ATP8A2: variants seen among roughly 807,000 people sequenced by gnomAD.
The protein encoded by ATP8A2 is phospholipid-transporting ATPase IB.
Under a neutral mutation model 165.6 loss-of-function variants are expected in ATP8A2, and 100 were observed. That is an observed-to-expected ratio of 0.60 (90% confidence interval 0.51 to 0.71). The LOEUF is 0.71. Ranked by LOEUF, ATP8A2 falls within the 30% of genes least tolerant of loss-of-function variation. The pLI is 0.00. For missense variants in ATP8A2, 1,227 were observed against 1,479.5 expected, an observed-to-expected ratio of 0.83 and a Z score of 2.80; for synonymous variants, 543 against 548.8, an observed-to-expected ratio of 0.99 and a Z score of 0.15.
Position 25,454,836 on chromosome 13 carries a change from C to T in ATP8A2, c.77-14141C>T, listed in dbSNP as rs569307824. On this transcript the variant is annotated intron_variant, in intron 1 of 36. Transcript: ENST00000381655. ...ACTTGGGAGGCTGAGGCAGGAGAAT[C>T]GCTTGAACCCAGGAGGTGGAGGTTG... Among the ~76,000 whole-genome samples the T allele has an allele frequency of 1.8e-4, 28 of 152,232 alleles. No homozygotes were observed. The East Asian group carries it at 4.7e-3, about 25-fold the overall frequency.
At chr13:25,980,177 G>A (rs1956147413) in intron 35 of ATP8A2, among the ~76,000 whole-genome samples, 1 of 152,142 alleles carries the variant, frequency 6.6e-6, no homozygotes, top group Non-Finnish European at 1.5e-5. Flanking sequence ...GCTGGGTGTG[G>A]GGCAGGACCA....
At chr13:25,512,202 G>A (rs2037250980) in intron 2 of ATP8A2, among the ~76,000 whole-genome samples, 1 of 151,872 alleles carries the variant, frequency 6.6e-6, no homozygotes, top group Non-Finnish European at 1.5e-5. Flanking sequence ...AGGGTTGGGG[G>A]TAAGGTCACA....
At chr13:25,796,861 T>A (rs563580314) in intron 27 of ATP8A2, among the ~76,000 whole-genome samples, 9 of 152,344 alleles carry the variant, frequency 5.9e-5, no homozygotes, top group South Asian at 2.1e-4. Flanking sequence ...TGGTTTTTTT[T>A]AAATCTGTGT....
chr13:25,744,855 C>T (rs780081252), intron 25 of ATP8A2, among the ~76,000 whole-genome samples: 5 of 152,146 alleles, frequency 3.3e-5, no homozygotes, highest in Non-Finnish European at 5.9e-5. Flanking sequence ...ATGTATTTTC[C>T]GAGAATGTTT....
rs1172860542 is a variant in ATP8A2, at chr13:25,968,569, A to C, written c.3273-6A>C. Reference sequence around the variant, plus strand: ...ATGTTCGTTTTGTCTTTTCCTCATAACACAGAGCCAAGCACACCTGCAAAA... The same window carrying C: ...ATGTTCGTTTTGTCTTTTCCTCATACCACAGAGCCAAGCACACCTGCAAAA... On this transcript the variant is annotated splice_region_variant and splice_polypyrimidine_tract_variant and intron_variant, in intron 34 of 36. Coordinates refer to ENST00000381655, the MANE Select transcript of ATP8A2 (RefSeq NM_016529.6). 6.2e-7 allele frequency: 1 copy of C among 1,612,618 alleles called. No homozygotes were observed. The highest frequency in any genetic ancestry group is 1.7e-5 in the Admixed American group (1 of 59,910).
chr13:25,829,668 G>A (rs1357206231), intron 28 of ATP8A2, among the ~76,000 whole-genome samples: 3 of 63,414 alleles, frequency 4.7e-5, no homozygotes, highest in Non-Finnish European at 6.3e-5. Flanking sequence ...GACAGGTGTG[G>A]TATATATATA....
intron 35 of ATP8A2, among the ~76,000 whole-genome samples, chr13:25,997,631 T>G (rs1956539382): frequency 6.6e-6 from 1 of 152,222 alleles, no homozygotes; most frequent in South Asian, 2.1e-4. Context: ...CTATTTTGTC[T>G]CTATTACTCA....
chr13:25,828,583 C>T (rs571086327), intron 28 of ATP8A2, among the ~76,000 whole-genome samples: 21 of 152,274 alleles, frequency 1.4e-4, no homozygotes, highest in African/African-American at 4.6e-4. Flanking sequence ...TACAAATGTA[C>T]AGTGTGTGAT....
At chr13:25,803,430 A>C (rs1279125254) in intron 27 of ATP8A2, among the ~76,000 whole-genome samples, 1 of 152,188 alleles carries the variant, frequency 6.6e-6, no homozygotes, top group East Asian at 1.9e-4. Context: ...GTAGAGGTTC[A>C]TGGAGTCAAT....
chr13:25,829,810 G>A (rs1181502183), intron 28 of ATP8A2, among the ~76,000 whole-genome samples: 1 of 147,028 alleles, frequency 6.8e-6, no homozygotes, highest in East Asian at 2.0e-4. Context: ...ATGCAGTCTT[G>A]GCCAATTCAA....
Position 25,567,423 on chromosome 13 carries a change from T to C in ATP8A2, c.1474-3344T>C, listed in dbSNP as rs138989109. 2.1e-3 allele frequency: 940 copies of C among 456,544 alleles called. 4 individuals carry two copies. The highest frequency in any genetic ancestry group is 4.3e-3 in the Admixed American group (185 of 42,564). The allele number at this position is 456,544 out of a possible 1,614,324, so 28.3% of individuals were successfully genotyped here. On this transcript the variant is annotated intron_variant, in intron 16 of 36. Coordinates refer to ENST00000381655, the MANE Select transcript of ATP8A2 (RefSeq NM_016529.6). Reference sequence around the variant, plus strand: ...TAAGTTAGTGATCTTTCTTCTTCTTTCCTTTCCTCCTCATCGTCTGCCCTC... The same window carrying C: ...TAAGTTAGTGATCTTTCTTCTTCTTCCCTTTCCTCCTCATCGTCTGCCCTC...
chr13:25,566,805 A>G (rs2039326991), intron 16 of ATP8A2, among the ~76,000 whole-genome samples: 1 of 152,190 alleles, frequency 6.6e-6, no homozygotes. Flanking sequence ...AGGGGAAGAG[A>G]CGAATAAAAA....
intron 33 of ATP8A2, among the ~76,000 whole-genome samples, chr13:25,872,034 T>C (rs1225093693): frequency 5.3e-5 from 8 of 149,916 alleles, no homozygotes; most frequent in Non-Finnish European, 1.2e-4. Context: ...CCGCCTGCCC[T>C]GCGTCCATTC....
At chr13:25,687,027 A>G (rs1383731795) in intron 24 of ATP8A2, among the ~76,000 whole-genome samples, 3 of 152,244 alleles carry the variant, frequency 2.0e-5, no homozygotes, top group Non-Finnish European at 4.4e-5. Context: ...CCACCAAGCT[A>G]ACATCTCAAA....
At chr13:25,924,695 G>T (rs1044422625) in intron 33 of ATP8A2, among the ~76,000 whole-genome samples, 2 of 152,130 alleles carry the variant, frequency 1.3e-5, no homozygotes, top group African/African-American at 4.8e-5. Flanking sequence ...GTATGATATG[G>T]TTTGGCTGTG....
Position 25,372,396 on chromosome 13 carries a change from T to G in ATP8A2, c.76+108T>G, listed in dbSNP as rs9578850. 0.012 allele frequency: 8,304 copies of G among 721,712 alleles called. 411 individuals carry two copies. In the African/African-American group the frequency reaches 0.12, roughly 11 times the overall value. 44.7% of individuals were successfully genotyped at this position (721,712 alleles called of 1,614,324 possible). On this transcript the variant is annotated intron_variant, in intron 1 of 36. Coordinates refer to ENST00000381655, the MANE Select transcript of ATP8A2 (RefSeq NM_016529.6). The surrounding 1 kb of genome is among the most constrained non-coding windows in gnomAD (Gnocchi z 4.8). ...CCCGCCCGCGCCCCGCTCCCCTCCC[T>G]GGGCTCCCTGGGCTCTCTGGGCTGC...
chr13:25,715,616 G>T (rs569704870), intron 25 of ATP8A2, among the ~76,000 whole-genome samples: 1 of 152,046 alleles, frequency 6.6e-6, no homozygotes, highest in Non-Finnish European at 1.5e-5. Context: ...GTCTTCAAAG[G>T]GTCATTCATG....
At chr13:25,585,697 A>G (rs2039903092) in intron 23 of ATP8A2, among the ~76,000 whole-genome samples, 1 of 152,194 alleles carries the variant, frequency 6.6e-6, no homozygotes, top group East Asian at 1.9e-4. Flanking sequence ...TCAATATGTC[A>G]CTTGCCCCTC....
intron 26 of ATP8A2, among the ~76,000 whole-genome samples, chr13:25,769,599 A>G (rs560875772): frequency 6.6e-6 from 1 of 152,204 alleles, no homozygotes; most frequent in African/African-American, 2.4e-5. Flanking sequence ...AGCTGTGCTC[A>G]TGACAGCCTT....
Sources: gnomAD v4.1 joint callset for allele counts (sites outside exome capture counted in the v4.1 genomes callset) on GRCh38, gnomAD v4.1.1 for gene constraint, Gnocchi (gnomAD v3.1) non-coding constraint, MANE v1.5 for transcripts, NCBI Gene and HGNC (gene_info 2026-07-23, HGNC 2026-07-21) for gene names.